Variants in ATAD2 observed in about 807,000 individuals in gnomAD.
ATAD2 encodes ATPase family AAA domain-containing protein 2.
In ATAD2, 62 loss-of-function variants were observed where a neutral mutation model predicts 168.9. The observed-to-expected ratio is 0.37, with a 90% CI of 0.30 to 0.45. The LOEUF is 0.45. ATAD2 is among the 20% of genes least tolerant of loss of function. The pLI, the probability that ATAD2 is intolerant of heterozygous loss-of-function variation, is 1.00. For synonymous variants in ATAD2, 613 were observed against 571.6 expected (o/e 1.07, Z -1.03); for missense variants, 1,419 against 1,667.8 (o/e 0.85, Z 2.60).
chr8:123,374,282 G>C (rs911671828), intron 2 of ATAD2, among the ~76,000 whole-genome samples: 3 of 152,182 alleles, frequency 2.0e-5, no homozygotes, highest in African/African-American at 7.2e-5. Context: ...GAACCTGGGA[G>C]GCAGTGGCTG....
At chr8:123,408,780 G>C (rs1226525793) in intron 1 of ATAD2, among the ~76,000 whole-genome samples, 4 of 151,682 alleles carry the variant, frequency 2.6e-5, no homozygotes, top group Non-Finnish European at 5.9e-5. Flanking sequence ...GCCTCCCAAA[G>C]TGTTGGGATT....
rs760406343 is a variant in ATAD2, at chr8:123,414,956, G to GT, written c.-2282+1291dup. ...TCGTGCTTTGTTGCCTGTGTACCTT[G>GT]TTTTTTTTTGTTGTTTTTTAAATTG... is the stretch of plus-strand genomic sequence containing the variant. On this transcript the variant is annotated intron_variant, in intron 1 of 28. Coordinates refer to the ATAD2 transcript ENST00000521903. Among the ~76,000 whole-genome samples the GT allele has an allele frequency of 2.7e-3, 403 of 151,256 alleles. 2 individuals carry two copies. Among genetic ancestry groups the GT allele is most frequent in the Non-Finnish European group, 3.9e-3 (264 of 67,776 alleles).
rs546779414 is a variant in ATAD2, at chr8:123,346,352, T to C, written c.2346-80A>G. ...CCCCTAAATTGTCAACTATAAACTT[T>C]CATAAGTAAAAAGTCTTGCCAATAA... On this transcript the variant is annotated intron_variant, in intron 17 of 27. Coordinates refer to ENST00000287394, the MANE Select transcript of ATAD2 (RefSeq NM_014109.4). 1.2e-4 allele frequency: 157 copies of C among 1,336,752 alleles called. No homozygotes were observed. In the East Asian group the frequency reaches 3.8e-3, roughly 32 times the overall value. 82.8% of individuals were successfully genotyped at this position (1,336,752 alleles called of 1,614,324 possible). A position where few individuals can be genotyped will look rare whatever the true frequency, so the allele number is the denominator to read the frequency against.
chr8:123,409,945 A>AC (rs1365061815), intron 1 of ATAD2, among the ~76,000 whole-genome samples: 9 of 150,856 alleles, frequency 6.0e-5, no homozygotes, highest in Non-Finnish European at 1.3e-4. Context: ...TCTCGGAAAA[A>AC]AAAAAAAAAA....
At chr8:123,346,532 A>G (rs1828248138) in intron 17 of ATAD2, 86 bp downstream of exon 17, 10 of 1,266,126 alleles carry the variant, frequency 7.9e-6, no homozygotes, top group Non-Finnish European at 1.1e-5. Flanking sequence ...CAGATTGGTT[A>G]GCACTTTTTA....
At chr8:123,401,712 C>A in intron 1 of ATAD2, 1 of 748,656 alleles carries the variant, frequency 1.3e-6, no homozygotes. Context: ...CTTGGTGCCT[C>A]CATAGTGATG....
intron 1 of ATAD2, among the ~76,000 whole-genome samples, chr8:123,383,202 G>C (rs889164114): frequency 1.3e-5 from 2 of 152,062 alleles, no homozygotes; most frequent in African/African-American, 2.4e-5. Context: ...TCGGGGAGTG[G>C]GGGGCATGAG....
intron 2 of ATAD2, among the ~76,000 whole-genome samples, chr8:123,375,064 G>C (rs1255230153): frequency 1.3e-5 from 2 of 152,168 alleles, no homozygotes; most frequent in Non-Finnish European, 2.9e-5. Context: ...CAGGCATGCT[G>C]ACAACAGTGA....
At chr8:123,375,419 G>A (rs1829278683) in intron 2 of ATAD2, among the ~76,000 whole-genome samples, 2 of 152,150 alleles carry the variant, frequency 1.3e-5, no homozygotes, top group Non-Finnish European at 2.9e-5. Context: ...ATACATTGGT[G>A]GTAGGAATGT....
chr8:123,416,089 G>C (rs1484324803), intron 1 of ATAD2, among the ~76,000 whole-genome samples: 1 of 151,934 alleles, frequency 6.6e-6, no homozygotes, highest in Non-Finnish European at 1.5e-5. Context: ...AGTTACAATA[G>C]AGTGAGATTT....
intron 11 of ATAD2, among the ~76,000 whole-genome samples, chr8:123,358,962 C>G (rs181128157): frequency 3.4e-5 from 5 of 148,850 alleles, no homozygotes; most frequent in African/African-American, 9.9e-5. Context: ...CCTTGGCCCC[C>G]CAAAGTGCTG....
upstream of ATAD2, among the ~76,000 whole-genome samples, chr8:123,396,863 T>C (rs1326266825): frequency 3.3e-5 from 5 of 151,754 alleles, no homozygotes; most frequent in Admixed American, 3.3e-4. Flanking sequence ...AAATGCAAAA[T>C]GCCCAGTCCT....
Position 123,380,674 on chromosome 8 carries a change from C to T in ATAD2, c.175G>A (p.Gly59Arg). 2 of 1,597,418 alleles carry T rather than the reference C, an allele frequency of 1.3e-6. No individual in the cohort carries two copies. Among genetic ancestry groups the T allele is most frequent in the South Asian group, 1.1e-5 (1 of 87,630 alleles). The stretch of plus-strand genomic sequence containing the variant: ...GTTTCAACTTCCTTAACTGATGACC[C>T]ATCCTTTAAGAAAAATTAAGAAAGC... ...PAATTAKAGD[G>R]SSVKEVETYH... The change falls in exon 2 of 28, where the codon GGG (glycine) becomes AGG (arginine). Residue 59 changes from glycine to arginine, a missense_variant. Physicochemically the swap from Gly to Arg is moderately radical, Grantham distance 125. Transcript: ENST00000287394.
upstream of ATAD2, among the ~76,000 whole-genome samples, chr8:123,400,152 G>A (rs1472493417): frequency 2.6e-5 from 4 of 151,986 alleles, no homozygotes; most frequent in Non-Finnish European, 4.4e-5. This position sits in a 1 kb window ranked among gnomAD's most constrained non-coding sequence, Gnocchi z 4.5. Flanking sequence ...CGACAGAGTG[G>A]GACTCCAGCT....
In ATAD2 at chr8:123,360,711, C is replaced by T. The variant is rs1007716929; in HGVS notation, c.1157+828G>A. 1.3e-5 allele frequency among the ~76,000 whole-genome samples: 2 copies of T among 151,666 alleles called. 1 individual carries two copies. The highest frequency in any genetic ancestry group is 4.2e-4 in the South Asian group (2 of 4,818). ...TCAGTGACATAGTGAGAACCTGTCT[C>T]TATTAAAAGAAAAAAAAAAGAATCC... On this transcript the variant is annotated intron_variant, in intron 9 of 27. Coordinates refer to ENST00000287394, the MANE Select transcript of ATAD2 (RefSeq NM_014109.4).
At chr8:123,372,072 T>A (rs1829166078) in intron 3 of ATAD2, among the ~76,000 whole-genome samples, 1 of 152,184 alleles carries the variant, frequency 6.6e-6, no homozygotes, top group Non-Finnish European at 1.5e-5. Context: ...CAAAGACTTG[T>A]ACATGAATGT....
In ATAD2 at chr8:123,369,905, C is replaced by G; in HGVS notation, c.847G>C (p.Glu283Gln). The G allele has an allele frequency of 6.3e-7, 1 of 1,578,384 alleles. No individual in the cohort carries two copies. Among genetic ancestry groups the G allele is most frequent in the Non-Finnish European group, 8.7e-7 (1 of 1,155,718 alleles). ...TGATTCTCTTCTTCTCCATCTTCTT[C>G]ATCTTCATCATCTTCATCATCATCA... ...DDDDDEDDED[E>Q]EDGEEENQKR... Residue 283 changes from glutamate (E) to glutamine (Q), a missense_variant, in exon 7 of 28, where the codon GAA becomes CAA. Physicochemically the swap from Glu to Gln is conservative, Grantham distance 29. Transcript: ENST00000287394.
rs79183158 is a variant in ATAD2, at chr8:123,322,851, T to A, written c.4131+87A>T. 2.9e-3 allele frequency: 4,060 copies of A among 1,392,296 alleles called. 143 individuals carry two copies. The East Asian group carries it at 0.083, about 29-fold the overall frequency. The allele number at this position is 1,392,296 out of a possible 1,614,324, so 86.2% of individuals were successfully genotyped here. ...TCCTACAATCAGTTTCTTACACAGA[T>A]TAAATAAAGCCTCAACAATCCTACA... On this transcript the variant is annotated intron_variant, in intron 27 of 27. Transcript: ENST00000287394.
chr8:123,405,431 T>TTC (rs201250293), intron 1 of ATAD2, among the ~76,000 whole-genome samples: 2 of 151,240 alleles, frequency 1.3e-5, no homozygotes, highest in East Asian at 1.9e-4. Flanking sequence ...TTTTTTTTTT[T>TTC]CTTTGTATTT....
Sources: gnomAD v4.1 joint callset for allele counts (sites outside exome capture counted in the v4.1 genomes callset) on GRCh38, gnomAD v4.1.1 for gene constraint, Gnocchi (gnomAD v3.1) non-coding constraint, MANE v1.5 for transcripts, NCBI Gene and HGNC (gene_info 2026-07-23, HGNC 2026-07-21) for gene names.